The following ADGRG5 variants were observed in gnomAD, a reference collection of about 807,000 sequenced individuals.
ADGRG5 encodes the protein G protein-coupled receptor 114.
ADGRG5 carries 37 observed loss-of-function variants against 53.2 expected under a neutral mutation model. That is an observed-to-expected ratio of 0.70 (90% CI 0.53 to 0.91). ADGRG5 has a LOEUF of 0.91. Among genes scored for constraint, ADGRG5 ranks in the 40% least tolerant of loss-of-function variants. ADGRG5 has a pLI of 0.00. For missense variants in ADGRG5, 614 were observed against 675.8 expected, an observed-to-expected ratio of 0.91 and a Z score of 1.01; for synonymous variants, 277 against 290.4, an observed-to-expected ratio of 0.95 and a Z score of 0.47.
At position 57,576,626 on chromosome 16, in the gene ADGRG5, GT is replaced by G. The variant is rs1252680734; in HGVS notation, c.*1091del. The G allele has an allele frequency of 1.3e-5, 2 of 152,158 alleles. No homozygotes were observed. The highest frequency in any genetic ancestry group is 2.9e-5 in the Non-Finnish European group (2 of 68,036). 9.4% of individuals were successfully genotyped at this position (152,158 alleles called of 1,614,324 possible). On this transcript the variant is annotated 3_prime_UTR_variant, in exon 12 of 12. Transcript: ENST00000349457. ...TGCATCTAGAATCGCTCAAACACCTGTTTGCAGACCCCATGCACCAGCTGGA... is the reference window on the plus strand; with the variant it reads ...TGCATCTAGAATCGCTCAAACACCTGTTGCAGACCCCATGCACCAGCTGGA...
chr16:57,547,731 G>C (rs1326068332), intron 1 of ADGRG5, among the ~76,000 whole-genome samples: 1 of 152,108 alleles, frequency 6.6e-6, no homozygotes, highest in Non-Finnish European at 1.5e-5. Flanking sequence ...ACAGGCGTGA[G>C]CCACTGCGCC....
At chr16:57,535,506 T>C in the ADGRG5 span, among the ~76,000 whole-genome samples, 7 of 152,086 alleles carry the variant, frequency 4.6e-5, no homozygotes, top group Admixed American at 2.0e-4. Context: ...CTTCTGGATC[T>C]TAGCCACCTG....
At chr16:57,538,520 C>A (rs1350282295), upstream of ADGRG5, among the ~76,000 whole-genome samples, 1 of 152,180 alleles carries the variant, frequency 6.6e-6, no homozygotes, top group Non-Finnish European at 1.5e-5. Flanking sequence ...GCCAGAGGAT[C>A]GTCTCGAGTA....
the ADGRG5 span, among the ~76,000 whole-genome samples, chr16:57,532,884 A>G: frequency 5.3e-5 from 8 of 152,108 alleles, no homozygotes; most frequent in African/African-American, 1.9e-4. Context: ...TGTGCTGGGT[A>G]TGGGGGCCCG....
At chr16:57,556,464 A>G (rs1212008785) in intron 1 of ADGRG5, among the ~76,000 whole-genome samples, 1 of 152,072 alleles carries the variant, frequency 6.6e-6, no homozygotes, top group Non-Finnish European at 1.5e-5. Flanking sequence ...TACTAGCTGT[A>G]TCTTATAATT....
At position 57,575,504 on chromosome 16, in the gene ADGRG5, T is replaced by TAGAG. The variant is rs2033492315; in HGVS notation, c.1554_1557dup (p.Ala520ArgfsTer27). The TAGAG allele has an allele frequency of 1.2e-6, 2 of 1,614,056 alleles. No homozygotes were observed. Among genetic ancestry groups the TAGAG allele is most frequent in the Admixed American group, 1.7e-5 (1 of 60,010 alleles). On this transcript the variant is annotated frameshift_variant, in exon 12 of 12. Transcript: ENST00000349457. LOFTEE classifies it high-confidence loss of function. ...TCAGAAGCAGAGGCCAAGGCACAGA[T>TAGAG]AGAGGCCTTCAGCTCCTCCCAAACA...
At chr16:57,553,201 G>A (rs2032793728) in intron 1 of ADGRG5, among the ~76,000 whole-genome samples, 2 of 152,146 alleles carry the variant, frequency 1.3e-5, no homozygotes, top group Admixed American at 6.5e-5. Context: ...GAAAAATGGT[G>A]CAGATAGACT....
At chr16:57,545,467 G>A (rs1229997747) in intron 1 of ADGRG5, among the ~76,000 whole-genome samples, 10 of 152,140 alleles carry the variant, frequency 6.6e-5, no homozygotes, top group African/African-American at 2.4e-4. Context: ...TGGGAGGATC[G>A]CTTGAGCCCA....
At chr16:57,562,550 C>T (rs2033029926) in intron 3 of ADGRG5, 91 bp downstream of exon 3, 2 of 849,558 alleles carry the variant, frequency 2.4e-6, no homozygotes, top group African/African-American at 1.7e-5. Flanking sequence ...TGCATTTCTT[C>T]AGCACTTTTA....
chr16:57,533,491 C>T, the ADGRG5 span, among the ~76,000 whole-genome samples: 3 of 151,084 alleles, frequency 2.0e-5, no homozygotes, highest in South Asian at 6.3e-4. Context: ...CACACACACA[C>T]CCCCAGGGAC....
chr16:57,563,791 T>A, intron 4 of ADGRG5, 57 bp from the exon 5 acceptor site: 2 of 1,608,986 alleles, frequency 1.2e-6, no homozygotes, highest in Non-Finnish European at 1.7e-6. Context: ...AGTGAAGGTG[T>A]TGGGGTCAGG....
At chr16:57,552,380 C>A (rs138205914) in intron 1 of ADGRG5, among the ~76,000 whole-genome samples, 1 of 152,196 alleles carries the variant, frequency 6.6e-6, no homozygotes, top group Non-Finnish European at 1.5e-5. Flanking sequence ...AATGTGGCCA[C>A]CCTCATGCAT....
intron 1 of ADGRG5, among the ~76,000 whole-genome samples, chr16:57,556,087 T>C (rs1369649471): frequency 1.3e-5 from 2 of 152,236 alleles, no homozygotes; most frequent in Admixed American, 6.5e-5. Context: ...CTCTTTTCTT[T>C]ATAAATTACT....
intron 4 of ADGRG5, among the ~76,000 whole-genome samples, 173 bp downstream of exon 4, chr16:57,563,420 C>G (rs1002130619): frequency 6.6e-6 from 1 of 152,262 alleles, no homozygotes; most frequent in African/African-American, 2.4e-5. Flanking sequence ...GGCTCATACT[C>G]GCTGTGTGAA....
chr16:57,569,641 A>G (rs2033284705), intron 9 of ADGRG5, among the ~76,000 whole-genome samples: 1 of 140,912 alleles, frequency 7.1e-6, no homozygotes, highest in South Asian at 2.3e-4. Flanking sequence ...CTCCACCTTC[A>G]TCATCACCAT....
chr16:57,557,715 A>G (rs1405180552), intron 1 of ADGRG5, among the ~76,000 whole-genome samples: 1 of 152,174 alleles, frequency 6.6e-6, no homozygotes, highest in Non-Finnish European at 1.5e-5. Context: ...ACTATCATCA[A>G]GTTCAAGGAT....
At chr16:57,564,875 G>A (rs1450235595) in intron 5 of ADGRG5, among the ~76,000 whole-genome samples, 159 bp from the exon 6 acceptor site, 2 of 151,796 alleles carry the variant, frequency 1.3e-5, no homozygotes. Context: ...CAAAGGCTGG[G>A]AGGCTGGGAA....
At chr16:57,557,999 C>T (rs77141416) in intron 1 of ADGRG5, among the ~76,000 whole-genome samples, 3,611 of 152,268 alleles carry the variant, frequency 0.024, 147 homozygotes, top group African/African-American at 0.079. Flanking sequence ...GACTAACTAC[C>T]AGGCGTTGTG....
At chr16:57,569,638 TTCA>T (rs1197673882) in intron 9 of ADGRG5, among the ~76,000 whole-genome samples, 3 of 144,104 alleles carry the variant, frequency 2.1e-5, no homozygotes, top group Admixed American at 6.9e-5. Flanking sequence ...CTCCTCCACC[TTCA>T]TCATCACCAT....
Sources: allele counts gnomAD v4.1 joint callset (sites outside exome capture counted in the v4.1 genomes callset), GRCh38; gene constraint gnomAD v4.1.1; transcripts MANE v1.5; gene names NCBI Gene and HGNC (gene_info 2026-07-23, HGNC 2026-07-21).